The following PRKG1 variants were observed in gnomAD, a reference collection of about 807,000 sequenced individuals.
PRKG1 encodes the protein protein kinase cGMP-dependent 1, also known as cGMP-dependent protein kinase 1.
In PRKG1, 35 loss-of-function variants were observed where a neutral mutation model predicts 88.1. The ratio of observed to expected loss-of-function variants is 0.40; its 90% CI spans 0.30 to 0.53. PRKG1 has a LOEUF of 0.53. PRKG1 is among the 20% of genes least tolerant of loss of function. The pLI is 0.59. For synonymous variants in PRKG1, 303 were observed against 292.5 expected (o/e 1.04, Z -0.37); for missense variants, 540 against 839.8 (o/e 0.64, Z 4.41).
chr10:51,530,827 T>C (rs191013527), intron 3 of PRKG1, among the ~76,000 whole-genome samples: 5 of 152,186 alleles, frequency 3.3e-5, no homozygotes, highest in Non-Finnish European at 7.4e-5. Context: ...CTTTTTCCCA[T>C]GTGTTTTTGT....
chr10:51,238,760 CAAA>C (rs755705869), intron 2 of PRKG1, among the ~76,000 whole-genome samples: 6 of 98,168 alleles, frequency 6.1e-5, no homozygotes, highest in East Asian at 2.9e-4. Flanking sequence ...GACTCTATCT[CAAA>C]AAAAAAAAAA....
chr10:51,316,402 G>A (rs1349824015), intron 2 of PRKG1, among the ~76,000 whole-genome samples: 1 of 152,198 alleles, frequency 6.6e-6, no homozygotes, highest in Non-Finnish European at 1.5e-5. Flanking sequence ...ACAAAGTTGG[G>A]ACGGGGCGCA....
intron 5 of PRKG1, among the ~76,000 whole-genome samples, chr10:51,915,353 T>A (rs191743951): frequency 2.0e-3 from 310 of 152,366 alleles, no homozygotes; most frequent in African/African-American, 7.2e-3. Context: ...TTCCTTCAGG[T>A]TGGCTCTTGC....
intron 2 of PRKG1, among the ~76,000 whole-genome samples, chr10:51,216,846 T>G (rs985247307): frequency 1.3e-5 from 2 of 152,120 alleles, no homozygotes; most frequent in African/African-American, 2.4e-5. Flanking sequence ...TAGTAAATTG[T>G]CTCCTTTTTG....
chr10:51,625,029 A>G (rs1000969600), intron 3 of PRKG1, among the ~76,000 whole-genome samples: 1 of 152,246 alleles, frequency 6.6e-6, no homozygotes, highest in Non-Finnish European at 1.5e-5. Flanking sequence ...AATGTATTGT[A>G]TATTTCACCA....
chr10:51,444,570 A>T lies in PRKG1; in HGVS notation c.479-23153A>T, dbSNP rs1030060682. On this transcript the variant is annotated intron_variant, in intron 2 of 17. Coordinates refer to ENST00000373980, the MANE Select transcript of PRKG1 (RefSeq NM_006258.4). ...ATCTTAGGATGGTAAAAGAAGACAA[A>T]GCAAGCTCATTTCTAAAAGGCAGCA... 2.0e-5 allele frequency among the ~76,000 whole-genome samples: 3 copies of T among 151,908 alleles called. No individual in the cohort carries two copies. The South Asian group carries it at 6.2e-4, about 31-fold the overall frequency.
At chr10:52,025,929 TACAGTAGCCAAA>T (rs1467965151) in intron 5 of PRKG1, among the ~76,000 whole-genome samples, 2 of 151,558 alleles carry the variant, frequency 1.3e-5, no homozygotes, top group Admixed American at 6.6e-5. Context: ...ACTACAAGGC[TACAGTAGCCAAA>T]ACAGCATGAT....
intron 3 of PRKG1, among the ~76,000 whole-genome samples, chr10:51,750,144 C>T (rs1837685371): frequency 6.6e-6 from 1 of 152,008 alleles, no homozygotes; most frequent in South Asian, 2.1e-4. Flanking sequence ...TCATATTGGC[C>T]AGGCTGGTCT....
At chr10:51,731,480 A>C (rs1842269800) in intron 3 of PRKG1, among the ~76,000 whole-genome samples, 1 of 152,164 alleles carries the variant, frequency 6.6e-6, no homozygotes, top group Admixed American at 6.5e-5. Context: ...ACAAACTAGA[A>C]CAGTATTAGT....
intron 3 of PRKG1, among the ~76,000 whole-genome samples, chr10:51,542,658 C>T (rs1228104454): frequency 2.1e-5 from 2 of 94,158 alleles, no homozygotes; most frequent in African/African-American, 6.7e-5. Context: ...TGTTTCCGGG[C>T]TTGTGTTTCG....
intron 14 of PRKG1, among the ~76,000 whole-genome samples, chr10:52,288,468 G>T (rs144602610): frequency 1.3e-3 from 199 of 152,242 alleles, no homozygotes; most frequent in African/African-American, 4.3e-3. Context: ...ACCAAGGACA[G>T]CATGAGGGCT....
At chr10:51,332,427 G>A (rs879557273) in intron 2 of PRKG1, among the ~76,000 whole-genome samples, 3 of 152,154 alleles carry the variant, frequency 2.0e-5, no homozygotes, top group Non-Finnish European at 4.4e-5. Flanking sequence ...TCACACTGAG[G>A]AAGGTGAAAA....
chr10:52,142,857 C>T (rs1837620990), intron 8 of PRKG1, among the ~76,000 whole-genome samples: 1 of 152,136 alleles, frequency 6.6e-6, no homozygotes, highest in African/African-American at 2.4e-5. Context: ...TCTGTATTAA[C>T]TTACAAACTA....
chr10:51,492,045 T>G (rs1840719992), intron 3 of PRKG1, among the ~76,000 whole-genome samples: 1 of 152,138 alleles, frequency 6.6e-6, no homozygotes, highest in African/African-American at 2.4e-5. Flanking sequence ...CAACAAATAT[T>G]TATGCCACTC....
intron 4 of PRKG1, among the ~76,000 whole-genome samples, chr10:51,832,390 G>C (rs1840025897): frequency 6.6e-6 from 1 of 152,122 alleles, no homozygotes; most frequent in Admixed American, 6.6e-5. Context: ...ATCAAGGTTT[G>C]GCAAAAATTA....
At chr10:51,600,108 G>A (rs1158455527) in intron 3 of PRKG1, among the ~76,000 whole-genome samples, 2 of 151,936 alleles carry the variant, frequency 1.3e-5, no homozygotes, top group African/African-American at 2.4e-5. Context: ...CTCCTTCTTC[G>A]AATTATGTAA....
chr10:51,949,749 G>A (rs868643510), intron 5 of PRKG1, among the ~76,000 whole-genome samples: 4 of 152,010 alleles, frequency 2.6e-5, no homozygotes, highest in Admixed American at 6.6e-5. Context: ...CTCCAGGTTC[G>A]ACTTACCTGC....
chr10:51,772,683 T>C (rs945344743), intron 3 of PRKG1, among the ~76,000 whole-genome samples: 1 of 152,068 alleles, frequency 6.6e-6, no homozygotes, highest in African/African-American at 2.4e-5. Context: ...GTTTAAAATA[T>C]TTTTTCTTAA....
chr10:52,187,749 AG>A (rs1360484746), intron 9 of PRKG1, among the ~76,000 whole-genome samples: 1 of 152,210 alleles, frequency 6.6e-6, no homozygotes, highest in Non-Finnish European at 1.5e-5. Context: ...TGCTACCATG[AG>A]CCAAACACTG....
Sources: gnomAD v4.1 joint callset for allele counts (sites outside exome capture counted in the v4.1 genomes callset) on GRCh38, gnomAD v4.1.1 for gene constraint, MANE v1.5 for transcripts, NCBI Gene and HGNC (gene_info 2026-07-23, HGNC 2026-07-21) for gene names.